The following ADAMTS9 variants were observed in gnomAD, a reference collection of about 807,000 sequenced individuals.
ADAMTS9 encodes ADAM metallopeptidase with thrombospondin type 1 motif 9.
Under a neutral mutation model 257.1 loss-of-function variants are expected in ADAMTS9, and 107 were observed. The ratio of observed to expected loss-of-function variants is 0.42; its 90% CI spans 0.36 to 0.49. The LOEUF (loss-of-function observed/expected upper bound fraction) is 0.49, where lower values mean the gene tolerates loss of function less well. Among genes scored for constraint, ADAMTS9 ranks in the 20% least tolerant of loss-of-function variants. The pLI is 0.03. For synonymous variants in ADAMTS9, 982 were observed against 880.9 expected (o/e 1.11, Z -2.03); for missense variants, 2,353 against 2,469.1 (o/e 0.95, Z 1.00).
chr3:64,533,507 A>G (rs896871481), intron 37 of ADAMTS9, among the ~76,000 whole-genome samples: 4 of 152,334 alleles, frequency 2.6e-5, no homozygotes, highest in Middle Eastern at 6.8e-3. Context: ...ACAGATAGGG[A>G]AACTGAGGCT....
At chr3:64,627,880 G>A (rs540551049) in intron 16 of ADAMTS9, among the ~76,000 whole-genome samples, 33 of 152,220 alleles carry the variant, frequency 2.2e-4, no homozygotes, top group South Asian at 2.1e-4. Context: ...GACTCAACGC[G>A]AGACTCAGTG....
chr3:64,573,158 T>A (rs1057389298), intron 28 of ADAMTS9, among the ~76,000 whole-genome samples: 9 of 150,852 alleles, frequency 6.0e-5, no homozygotes, highest in Admixed American at 4.0e-4. Context: ...GGGGACTGAA[T>A]GAGGACCAGG....
chr3:64,611,317 A>T (rs1458238196), intron 22 of ADAMTS9, among the ~76,000 whole-genome samples: 1 of 152,230 alleles, frequency 6.6e-6, no homozygotes, highest in African/African-American at 2.4e-5. Flanking sequence ...TTGGCCAAGT[A>T]CTGATACATG....
intron 28 of ADAMTS9, 73 bp downstream of exon 28, chr3:64,594,185 C>G: frequency 6.8e-7 from 1 of 1,479,678 alleles, no homozygotes. Context: ...CAATTATCTG[C>G]CACAGAGGAG....
chr3:64,680,053 C>T (rs1370465622), intron 3 of ADAMTS9, among the ~76,000 whole-genome samples: 5 of 152,120 alleles, frequency 3.3e-5, no homozygotes, highest in African/African-American at 9.7e-5. Flanking sequence ...AATGTTACAC[C>T]CTTAAATTTG....
intron 38 of ADAMTS9, among the ~76,000 whole-genome samples, chr3:64,532,634 C>A (rs148181395): frequency 3.0e-4 from 45 of 152,290 alleles, no homozygotes; most frequent in African/African-American, 1.0e-3. Context: ...CCAGGTGACA[C>A]TGATGCACTG....
At chr3:64,661,480 G>A (rs13099002) in intron 3 of ADAMTS9, among the ~76,000 whole-genome samples, 28,469 of 152,012 alleles carry the variant, frequency 0.19, 3,095 homozygotes, top group Non-Finnish European at 0.25. Context: ...GTATTTTCCC[G>A]ATGAGGAAAA....
intron 16 of ADAMTS9, among the ~76,000 whole-genome samples, chr3:64,626,667 G>A (rs556330754): frequency 6.6e-6 from 1 of 152,114 alleles, no homozygotes; most frequent in Non-Finnish European, 1.5e-5. Flanking sequence ...TAAGAAACCT[G>A]TAGTCCTACC....
At chr3:64,586,320 G>C (rs2084152327) in intron 28 of ADAMTS9, among the ~76,000 whole-genome samples, 1 of 152,098 alleles carries the variant, frequency 6.6e-6, no homozygotes. Flanking sequence ...ATAATTATGG[G>C]AGGAAACACA....
In ADAMTS9 at chr3:64,686,044, T is replaced by C. The variant is rs1234983840; in HGVS notation, c.516+524A>G. 6.6e-6 allele frequency among the ~76,000 whole-genome samples: 1 copy of C among 152,016 alleles called. No homozygotes were observed. The highest frequency in any genetic ancestry group is 1.9e-4 in the East Asian group (1 of 5,158). On this transcript the variant is annotated intron_variant, in intron 2 of 39. Coordinates refer to ENST00000498707, the MANE Select transcript of ADAMTS9 (RefSeq NM_182920.2). This position sits in a 1 kb window ranked among gnomAD's most constrained non-coding sequence, Gnocchi z 4.6. Reference sequence around the variant, plus strand: ...GTTCAGCCTCAGGGTTCCTGGCGCGTGAATAAAGGCCCTGAGAGAAAGCGG... The same window carrying C: ...GTTCAGCCTCAGGGTTCCTGGCGCGCGAATAAAGGCCCTGAGAGAAAGCGG...
chr3:64,559,083 G>A (rs1451527897), intron 30 of ADAMTS9, among the ~76,000 whole-genome samples: 1 of 152,174 alleles, frequency 6.6e-6, no homozygotes, highest in Non-Finnish European at 1.5e-5. Context: ...TGTTGAACAA[G>A]GGCGCTTTTG....
chr3:64,675,145 T>C (rs1701595069), intron 3 of ADAMTS9, among the ~76,000 whole-genome samples: 1 of 152,196 alleles, frequency 6.6e-6, no homozygotes, highest in Non-Finnish European at 1.5e-5. Flanking sequence ...AAGAAAATGG[T>C]ATGTTGATGA....
chr3:64,529,864 G>C (rs1057238941), intron 38 of ADAMTS9, among the ~76,000 whole-genome samples: 1 of 152,106 alleles, frequency 6.6e-6, no homozygotes, highest in Non-Finnish European at 1.5e-5. Flanking sequence ...TGTTGCCCAG[G>C]CTGGAGTACA....
rs547010377 is a variant in ADAMTS9 at position 64,616,115 on chromosome 3, T to G, written c.2869A>C (p.Thr957Pro). The stretch of plus-strand genomic sequence containing the variant: ...TATTTGGCACAGTAGATGTCCAATG[T>G]GCGGTAACCCAAGCCACACTGGGCA... Reference protein sequence around the residue: ...CSAQCGLGYRTLDIYCAKYSR... With the variant: ...CSAQCGLGYRPLDIYCAKYSR... The change falls in exon 20 of 40, where the codon ACA becomes CCA. Residue 957 changes from threonine to proline, a missense_variant. By Grantham distance (38) the Thr-to-Pro change is conservative. Transcript: ENST00000498707. 2.0e-4 allele frequency: 330 copies of G among 1,614,184 alleles called. 3 individuals are homozygous for G. The South Asian group carries it at 3.4e-3, about 17-fold the overall frequency.
chr3:64,518,146 A>C (rs76113700), intron 39 of ADAMTS9, among the ~76,000 whole-genome samples: 2,255 of 152,306 alleles, frequency 0.015, 45 homozygotes, highest in African/African-American at 0.052. Flanking sequence ...GAGAATGAAG[A>C]CATTTAAGAG....
At chr3:64,575,096 G>A (rs1385213446) in intron 28 of ADAMTS9, among the ~76,000 whole-genome samples, 3 of 152,098 alleles carry the variant, frequency 2.0e-5, no homozygotes, top group Non-Finnish European at 4.4e-5. Flanking sequence ...TTATTAACTC[G>A]TTGAGGCCTG....
At chr3:64,518,337 G>C (rs2082806155) in intron 39 of ADAMTS9, among the ~76,000 whole-genome samples, 1 of 152,144 alleles carries the variant, frequency 6.6e-6, no homozygotes, top group East Asian at 1.9e-4. Context: ...TCTTGTATCA[G>C]GATCTTCAAG....
intron 37 of ADAMTS9, among the ~76,000 whole-genome samples, chr3:64,536,755 A>C (rs568239833): frequency 6.6e-6 from 1 of 152,238 alleles, no homozygotes; most frequent in African/African-American, 2.4e-5. Context: ...TGACTAAAGC[A>C]AAGACGCATA....
intron 26 of ADAMTS9, among the ~76,000 whole-genome samples, chr3:64,600,048 G>GTTT (rs2084429687): frequency 2.5e-5 from 2 of 80,926 alleles, no homozygotes; most frequent in African/African-American, 5.1e-5. Flanking sequence ...GTCAGTTTCT[G>GTTT]TTCTTTTTTT....
Sources: allele counts gnomAD v4.1 joint callset (sites outside exome capture counted in the v4.1 genomes callset), GRCh38; gene constraint gnomAD v4.1.1; non-coding constraint Gnocchi (gnomAD v3.1); transcripts MANE v1.5; gene names NCBI Gene and HGNC (gene_info 2026-07-23, HGNC 2026-07-21).